The following PKD1L3 variants were observed in gnomAD, a reference collection of about 807,000 sequenced individuals.
PKD1L3 encodes the protein polycystin 1 like 3, transient receptor potential channel interacting.
In PKD1L3, 239 loss-of-function variants were observed where a neutral mutation model predicts 184.1. The ratio of observed to expected loss-of-function variants is 1.30; its 90% CI spans 1.17 to 1.45. The LOEUF is 1.45. PKD1L3 is among the 40% of genes most tolerant of loss of function. The pLI is 0.00. For missense variants in PKD1L3, 2,660 were observed against 2,067.2 expected, an observed-to-expected ratio of 1.29 and a Z score of -5.56; for synonymous variants, 996 against 778.8, an observed-to-expected ratio of 1.28 and a Z score of -4.64.
chr16:71,968,567 C>T (rs367804661), intron 13 of PKD1L3, among the ~76,000 whole-genome samples: 1 of 152,152 alleles, frequency 6.6e-6, no homozygotes, highest in South Asian at 2.1e-4. Context: ...TTTTAAAAAA[C>T]ATGCCATATA....
chr16:71,977,178 A>T, intron 11 of PKD1L3, 58 bp downstream of exon 11: 1 of 1,299,482 alleles, frequency 7.7e-7, no homozygotes, highest in Non-Finnish European at 1.1e-6. Context: ...GTGCCACTGC[A>T]CTACATCCTA....
intron 9 of PKD1L3, 107 bp downstream of exon 9, chr16:71,979,679 G>A (rs1386179243): frequency 8.4e-6 from 11 of 1,313,904 alleles, no homozygotes; most frequent in Admixed American, 3.4e-5. Context: ...TCTCTCATCT[G>A]ATCTGGTCTG....
intron 28 of PKD1L3, among the ~76,000 whole-genome samples, chr16:71,932,455 C>T (rs563591505): frequency 1.9e-4 from 29 of 151,928 alleles, no homozygotes; most frequent in Non-Finnish European, 3.4e-4. Context: ...CTGTACCTTC[C>T]TAATTCTTTG....
At chr16:71,979,479 A>G (rs28702841) in intron 9 of PKD1L3, among the ~76,000 whole-genome samples, 1 of 151,782 alleles carries the variant, frequency 6.6e-6, no homozygotes, top group East Asian at 1.9e-4. Context: ...GACAAAACAA[A>G]ACAAAACAAA....
chr16:71,944,254 C>T, intron 22 of PKD1L3, 84 bp from the exon 23 acceptor site: 1 of 1,259,488 alleles, frequency 7.9e-7, no homozygotes, highest in Non-Finnish European at 1.1e-6. Context: ...CTACTGTGAG[C>T]ACCTCCTTTT....
intron 22 of PKD1L3, among the ~76,000 whole-genome samples, chr16:71,944,774 C>T (rs1467768699): frequency 6.9e-6 from 1 of 144,600 alleles, no homozygotes; most frequent in East Asian, 2.1e-4. Flanking sequence ...TCTTGGCTCA[C>T]TGCAGTCTCC....
chr16:71,929,729 A>G, intron 29 of PKD1L3, 51 bp from the exon 30 acceptor site: 1 of 1,432,602 alleles, frequency 7.0e-7, no homozygotes, highest in Admixed American at 2.7e-5. Flanking sequence ...AATTACTGCT[A>G]ATAGTGGAGT....
chr16:71,932,052 G>A (rs2037993828), intron 28 of PKD1L3, among the ~76,000 whole-genome samples: 1 of 152,142 alleles, frequency 6.6e-6, no homozygotes, highest in Non-Finnish European at 1.5e-5. Context: ...CTCTTCTACT[G>A]TATTTTAAAA....
rs1281100215 is a variant in PKD1L3, at chr16:71,945,303, TATACACACACACACACACATATATACAC to T, written c.3719-1161_3719-1134del. On this transcript the variant is annotated intron_variant, in intron 22 of 29. Transcript: ENST00000620267. Reference sequence around the variant, plus strand: ...ATATATATATATATATATATATATATATACACACACACACACACATATATACACACACACACACATATATTTATATATG... The same window carrying T: ...ATATATATATATATATATATATATATACACACACACATATATTTATATATG... Among the ~76,000 whole-genome samples the T allele has an allele frequency of 7.3e-3, 374 of 51,132 alleles. 2 individuals carry two copies. The highest frequency in any genetic ancestry group is 0.036 in the South Asian group (41 of 1,132). The allele number at this position is 51,132 out of a possible 152,430, so 33.5% of individuals were successfully genotyped here.
At chr16:71,933,892 G>A in intron 27 of PKD1L3, 23 bp downstream of exon 27, 14 of 1,547,366 alleles carry the variant, frequency 9.0e-6, no homozygotes, top group Non-Finnish European at 1.2e-5. Flanking sequence ...CGGAGAAGGA[G>A]AGACAGCAAC....
intron 24 of PKD1L3, among the ~76,000 whole-genome samples, chr16:71,941,941 G>A (rs752013851): frequency 2.0e-5 from 3 of 151,924 alleles, no homozygotes; most frequent in Non-Finnish European, 2.9e-5. Flanking sequence ...AACTTTTGGG[G>A]TTGGGGACTG....
chr16:71,972,214 C>CA (rs1471098644), intron 12 of PKD1L3, among the ~76,000 whole-genome samples: 2 of 149,076 alleles, frequency 1.3e-5, no homozygotes, highest in South Asian at 2.1e-4. Context: ...AGACTGGTCT[C>CA]AAAAAAACAC....
chr16:71,978,203 T>C (rs2040002341), intron 10 of PKD1L3, 52 bp downstream of exon 10: 2 of 1,512,318 alleles, frequency 1.3e-6, no homozygotes, highest in East Asian at 2.5e-5. Context: ...TTCCATCCTG[T>C]TGCAGAATAT....
chr16:71,932,722 C>G (rs2038021859), intron 28 of PKD1L3, among the ~76,000 whole-genome samples: 1 of 146,384 alleles, frequency 6.8e-6, no homozygotes, highest in Non-Finnish European at 1.5e-5. Context: ...CAAAAGTGAT[C>G]CGCTGGCTTC....
intron 16 of PKD1L3, among the ~76,000 whole-genome samples, chr16:71,955,833 C>A (rs187306213): frequency 1.2e-4 from 18 of 152,268 alleles, no homozygotes; most frequent in Admixed American, 9.8e-4. Context: ...CTTCACTGGG[C>A]ACTCATTCTC....
At chr16:71,970,291 C>A (rs553136065) in intron 12 of PKD1L3, among the ~76,000 whole-genome samples, 186 bp from the exon 13 acceptor site, 71 of 152,282 alleles carry the variant, frequency 4.7e-4, no homozygotes, top group African/African-American at 1.7e-3. Context: ...ACAGCTGAAG[C>A]AGAACAAACT....
At chr16:71,990,016 A>C (rs960355167) in intron 4 of PKD1L3, among the ~76,000 whole-genome samples, 3 of 150,740 alleles carry the variant, frequency 2.0e-5, no homozygotes, top group African/African-American at 7.3e-5. Flanking sequence ...TAGAGGTTGC[A>C]GTGAGCCAAG....
At chr16:71,991,141 G>A in intron 3 of PKD1L3, 1 of 173,654 alleles carries the variant, frequency 5.8e-6, no homozygotes. Context: ...CCATCTTAAC[G>A]TGCAGTTCCT....
intron 24 of PKD1L3, among the ~76,000 whole-genome samples, chr16:71,941,024 C>T (rs577539775): frequency 8.6e-5 from 13 of 151,554 alleles, no homozygotes; most frequent in Non-Finnish European, 1.3e-4. Flanking sequence ...TTGGTAGAGA[C>T]GAGGTTTCAC....
Sources: gnomAD v4.1 joint callset for allele counts (sites outside exome capture counted in the v4.1 genomes callset) on GRCh38, gnomAD v4.1.1 for gene constraint, MANE v1.5 for transcripts, NCBI Gene and HGNC (gene_info 2026-07-23, HGNC 2026-07-21) for gene names.